Variants in BTBD9 observed in about 807,000 individuals in gnomAD.
BTBD9 encodes the protein BTB/POZ domain-containing protein 9.
A neutral mutation model predicts 64.3 loss-of-function variants in BTBD9; 49 were observed. The observed-to-expected ratio is 0.76, with a 90% CI of 0.61 to 0.97. BTBD9 has a LOEUF of 0.97. BTBD9 is among the 50% of genes least tolerant of loss of function. The probability of loss-of-function intolerance (pLI) is 0.00; values close to 1 mark genes in which losing one functional copy is unlikely to be tolerated. For synonymous variants in BTBD9, 260 were observed against 274.7 expected (o/e 0.95, Z 0.53); for missense variants, 598 against 762.1 (o/e 0.78, Z 2.53).
At chr6:38,572,791 A>AAT (rs1219489447) in intron 6 of BTBD9, among the ~76,000 whole-genome samples, 107 of 151,152 alleles carry the variant, frequency 7.1e-4, no homozygotes, top group East Asian at 3.3e-3. Context: ...TAGTGGAAAA[A>AAT]ATATATATAT....
At chr6:38,239,527 C>T (rs9470833) in intron 9 of BTBD9, among the ~76,000 whole-genome samples, 125,904 of 151,530 alleles carry the variant, frequency 0.83, 52,458 homozygotes, top group East Asian at 0.97. Context: ...ACCCAAGCTA[C>T]TGGGCTAAGC....
At position 38,398,124 on chromosome 6, in the gene BTBD9, G is replaced by A. The variant is rs78933310; in HGVS notation, c.1155-53031C>T. Among the ~76,000 whole-genome samples the A allele has an allele frequency of 1.0e-3, 155 of 152,218 alleles. 4 individuals are homozygous for A. In the East Asian group the frequency reaches 0.016, roughly 16 times the overall value. On this transcript the variant is annotated intron_variant, in intron 6 of 10. Coordinates refer to ENST00000481247, the MANE Select transcript of BTBD9 (RefSeq NM_001099272.2). ...GTAGAGGAGTGACATGACTTCGTTC[G>A]ATTTTTACAACTTTCATCAAGATAC...
intron 7 of BTBD9, among the ~76,000 whole-genome samples, chr6:38,310,570 A>C (rs1050104190): frequency 6.6e-6 from 1 of 152,232 alleles, no homozygotes; most frequent in Admixed American, 6.5e-5. Flanking sequence ...AGGTAATTTT[A>C]AAAGAGCCTT....
At chr6:38,523,797 T>C (rs536149750) in intron 6 of BTBD9, among the ~76,000 whole-genome samples, 1 of 152,326 alleles carries the variant, frequency 6.6e-6, no homozygotes, top group Admixed American at 6.5e-5. Context: ...ACTGTTATTA[T>C]CTATATTTAA....
chr6:38,249,639 C>T (rs1251556953), intron 9 of BTBD9, among the ~76,000 whole-genome samples: 2 of 152,014 alleles, frequency 1.3e-5, no homozygotes, highest in Non-Finnish European at 2.9e-5. Context: ...ACACAGCAAG[C>T]CCCCAGGACA....
At chr6:38,195,894 A>T (rs1200730578) in intron 9 of BTBD9, among the ~76,000 whole-genome samples, 2 of 152,376 alleles carry the variant, frequency 1.3e-5, no homozygotes, top group East Asian at 3.8e-4. Flanking sequence ...GAAGAATTTC[A>T]AGAGCCATTT....
chr6:38,201,853 GA>G (rs1187455598), intron 9 of BTBD9, among the ~76,000 whole-genome samples: 1 of 151,894 alleles, frequency 6.6e-6, no homozygotes, highest in Non-Finnish European at 1.5e-5. Flanking sequence ...AGCTGCCATG[GA>G]AAAAAATTCC....
At chr6:38,547,035 A>G (rs890999629) in intron 6 of BTBD9, among the ~76,000 whole-genome samples, 2 of 152,182 alleles carry the variant, frequency 1.3e-5, no homozygotes, top group Middle Eastern at 3.2e-3. Context: ...CACGAGCCTC[A>G]TCCATATAAA....
intron 6 of BTBD9, among the ~76,000 whole-genome samples, chr6:38,407,473 A>G (rs1562140661): frequency 6.6e-6 from 1 of 152,048 alleles, no homozygotes; most frequent in Non-Finnish European, 1.5e-5. Context: ...CTATGCCCGG[A>G]TCAGGACGAG....
chr6:38,212,995 G>A (rs1454374555), intron 9 of BTBD9, among the ~76,000 whole-genome samples: 1 of 151,782 alleles, frequency 6.6e-6, no homozygotes, highest in Non-Finnish European at 1.5e-5. Flanking sequence ...AATACAAAGA[G>A]GACTAACTGG....
At chr6:38,509,754 T>C (rs1053952676) in intron 6 of BTBD9, among the ~76,000 whole-genome samples, 1 of 152,222 alleles carries the variant, frequency 6.6e-6, no homozygotes, top group African/African-American at 2.4e-5. Flanking sequence ...ATTTCCCTCA[T>C]TGCCCTGAAC....
At chr6:38,493,959 TTGAAA>T (rs1254964356) in intron 6 of BTBD9, among the ~76,000 whole-genome samples, 1 of 152,254 alleles carries the variant, frequency 6.6e-6, no homozygotes, top group African/African-American at 2.4e-5. Context: ...TTTCGATAAC[TTGAAA>T]TGAAGCCATT....
intron 6 of BTBD9, chr6:38,571,854 G>C (rs1775787695): frequency 6.6e-6 from 1 of 152,206 alleles, no homozygotes; most frequent in Non-Finnish European, 1.5e-5. Flanking sequence ...CAGCTACTCA[G>C]GAGGGTGAGG....
intron 6 of BTBD9, among the ~76,000 whole-genome samples, chr6:38,364,928 G>A (rs1233944220): frequency 2.6e-5 from 4 of 152,138 alleles, no homozygotes; most frequent in Non-Finnish European, 4.4e-5. Context: ...TATTAGTTTT[G>A]TGTAAATGAA....
intron 6 of BTBD9, 74 bp downstream of exon 6, chr6:38,577,526 T>C: frequency 7.0e-7 from 1 of 1,422,024 alleles, no homozygotes; most frequent in Non-Finnish European, 9.5e-7. Context: ...AGATGAAAAA[T>C]GCAGTTCTGC....
intron 10 of BTBD9, among the ~76,000 whole-genome samples, chr6:38,187,614 G>A (rs879492863): frequency 6.6e-6 from 1 of 152,132 alleles, no homozygotes; most frequent in Non-Finnish European, 1.5e-5. Flanking sequence ...AGCAGAGGAC[G>A]ACAGAAGCAC....
At chr6:38,494,372 A>G (rs565795759) in intron 6 of BTBD9, among the ~76,000 whole-genome samples, 1 of 152,368 alleles carries the variant, frequency 6.6e-6, no homozygotes, top group South Asian at 2.1e-4. Flanking sequence ...AAATATTCTG[A>G]AAAGTAAAAA....
At chr6:38,389,183 C>T (rs1328041361) in intron 6 of BTBD9, among the ~76,000 whole-genome samples, 2 of 152,070 alleles carry the variant, frequency 1.3e-5, no homozygotes, top group Admixed American at 1.3e-4. Context: ...TATCTATGGC[C>T]AAATTTCTTT....
At chr6:38,402,527 C>T (rs12529551) in intron 6 of BTBD9, among the ~76,000 whole-genome samples, 5,029 of 152,184 alleles carry the variant, frequency 0.033, 167 homozygotes, top group East Asian at 0.11. Flanking sequence ...AGAAATAAAC[C>T]CATACATCTA....
Sources: gnomAD v4.1 joint callset for allele counts (sites outside exome capture counted in the v4.1 genomes callset) on GRCh38, gnomAD v4.1.1 for gene constraint, MANE v1.5 for transcripts, NCBI Gene and HGNC (gene_info 2026-07-23, HGNC 2026-07-21) for gene names.